The following MYO10 variants were observed in gnomAD, a reference collection of about 807,000 sequenced individuals.
MYO10 encodes the protein unconventional myosin-X.
A neutral mutation model predicts 257.3 loss-of-function variants in MYO10; 133 were observed. That is an observed-to-expected ratio of 0.52 (90% CI 0.45 to 0.60). MYO10 has a LOEUF of 0.60. MYO10 is among the 20% of genes least tolerant of loss of function. The pLI is 0.00. For missense variants in MYO10, 2,399 were observed against 2,635.7 expected, an observed-to-expected ratio of 0.91 and a Z score of 1.97; for synonymous variants, 1,104 against 1,028.6, an observed-to-expected ratio of 1.07 and a Z score of -1.40.
At chr5:16,758,287 T>C in intron 17 of MYO10, 61 bp from the exon 18 acceptor site, 1 of 1,145,080 alleles carries the variant, frequency 8.7e-7, no homozygotes, top group East Asian at 2.4e-5. Flanking sequence ...GGTGCAAGAT[T>C]ATTGTAATTA....
intron 1 of MYO10, among the ~76,000 whole-genome samples, chr5:16,909,581 C>T (rs1745606036): frequency 6.6e-6 from 1 of 151,540 alleles, no homozygotes; most frequent in South Asian, 2.1e-4. Context: ...CACAGAAAAA[C>T]CCTGCCCCCG....
In MYO10 at chr5:16,848,583, C is replaced by A. The variant is rs577411129; in HGVS notation, c.120+29026G>T. Among the ~76,000 whole-genome samples the A allele has an allele frequency of 5.9e-5, 9 of 152,240 alleles. No individual in the cohort carries two copies. In the South Asian group the frequency reaches 1.9e-3, roughly 32 times the overall value. ...ACCCCCCACCACCCACTTCTCCCAA[C>A]ATCACGTGGGGTTTGTGTTCCCTCC... On this transcript the variant is annotated intron_variant, in intron 2 of 40. Coordinates refer to ENST00000513610, the MANE Select transcript of MYO10 (RefSeq NM_012334.3).
intron 2 of MYO10, among the ~76,000 whole-genome samples, chr5:16,820,200 A>C (rs1186111753): frequency 6.6e-6 from 1 of 152,258 alleles, no homozygotes; most frequent in African/African-American, 2.4e-5. Flanking sequence ...AAGTTAAGAA[A>C]CAGAAACTTA....
chr5:16,673,474 T>C (rs950968303), intron 36 of MYO10, among the ~76,000 whole-genome samples: 1 of 152,192 alleles, frequency 6.6e-6, no homozygotes. Context: ...AGGTACTTTA[T>C]CTCTGTGTTT....
At chr5:16,858,200 G>A (rs34025335) in intron 2 of MYO10, among the ~76,000 whole-genome samples, 14 of 152,068 alleles carry the variant, frequency 9.2e-5, no homozygotes, top group Admixed American at 2.0e-4. Context: ...AATTTCACAT[G>A]ATTTTCACGT....
At chr5:16,799,684 G>T (rs1742064820) in intron 3 of MYO10, among the ~76,000 whole-genome samples, 1 of 152,044 alleles carries the variant, frequency 6.6e-6, no homozygotes, top group Admixed American at 6.6e-5. Flanking sequence ...CTAGAGACGG[G>T]ATTTCATATA....
chr5:16,741,674 TA>T, intron 19 of MYO10: 1 of 602,118 alleles, frequency 1.7e-6, no homozygotes, highest in Non-Finnish European at 2.1e-6. Flanking sequence ...AACCCACTTG[TA>T]AACACTTCCG....
At chr5:16,794,388 A>ATTT (rs1560988188) in intron 4 of MYO10, among the ~76,000 whole-genome samples, 4 of 149,456 alleles carry the variant, frequency 2.7e-5, no homozygotes, top group East Asian at 4.0e-4. Context: ...TGCTTTAAAA[A>ATTT]AAAAAAAAAA....
chr5:16,888,008 G>T (rs754163898), intron 1 of MYO10, among the ~76,000 whole-genome samples: 6 of 152,192 alleles, frequency 3.9e-5, no homozygotes, highest in Non-Finnish European at 8.8e-5. Flanking sequence ...CCATCTATTA[G>T]TTAACCATCA....
intron 3 of MYO10, among the ~76,000 whole-genome samples, chr5:16,795,974 G>T (rs1005759504): frequency 2.6e-5 from 4 of 151,970 alleles, no homozygotes; most frequent in African/African-American, 9.7e-5. Context: ...AGGATCTCAA[G>T]ATCAGGAGAC....
At chr5:16,931,136 T>C (rs901450869) in intron 1 of MYO10, among the ~76,000 whole-genome samples, 2 of 151,882 alleles carry the variant, frequency 1.3e-5, no homozygotes, top group African/African-American at 4.8e-5. Context: ...CTGGGTGTGG[T>C]GGTGCATGTT....
chr5:16,835,431 G>A (rs1743281917), intron 2 of MYO10, among the ~76,000 whole-genome samples: 1 of 150,538 alleles, frequency 6.6e-6, no homozygotes, highest in African/African-American at 2.4e-5. Flanking sequence ...TACTCGGGAA[G>A]CTGAGGCACA....
chr5:16,840,447 A>ATG (rs77134566), intron 2 of MYO10, among the ~76,000 whole-genome samples: 1,680 of 151,890 alleles, frequency 0.011, 13 homozygotes, highest in African/African-American at 0.014. Context: ...GAATGAATGA[A>ATG]AGAAAGAAAC....
intron 19 of MYO10, among the ~76,000 whole-genome samples, chr5:16,727,779 G>A (rs1231493751): frequency 6.6e-6 from 1 of 151,464 alleles, no homozygotes; most frequent in Non-Finnish European, 1.5e-5. Context: ...CTATGGGGAT[G>A]CTGAAACAGA....
At chr5:16,906,482 C>T (rs932168709) in intron 1 of MYO10, among the ~76,000 whole-genome samples, 2 of 152,146 alleles carry the variant, frequency 1.3e-5, no homozygotes, top group Admixed American at 6.5e-5. Context: ...GAGGCAAAAT[C>T]GCACTGTTGA....
In MYO10 at chr5:16,676,013, G is replaced by C; in HGVS notation, c.4666+18C>G. 6.3e-7 allele frequency: 1 copy of C among 1,599,918 alleles called. No homozygotes were observed. Among genetic ancestry groups the C allele is most frequent in the Non-Finnish European group, 8.5e-7 (1 of 1,174,934 alleles). ...GAATCATGGTCTCTGAGGAGTCGGGGTGGAGCTCTGGACTTACAGTTGAGA... is the reference window on the plus strand; with the variant it reads ...GAATCATGGTCTCTGAGGAGTCGGGCTGGAGCTCTGGACTTACAGTTGAGA... On this transcript the variant is annotated intron_variant, in intron 34 of 40. Transcript: ENST00000513610.
At position 16,769,286 on chromosome 5, in the gene MYO10, A is replaced by C; in HGVS notation, c.931-83T>G. The C allele has an allele frequency of 3.6e-6, 5 of 1,383,750 alleles. No homozygotes were observed. In the South Asian group the frequency reaches 6.3e-5, roughly 18 times the overall value. The allele number at this position is 1,383,750 out of a possible 1,614,324, so 85.7% of individuals were successfully genotyped here. A position where few individuals can be genotyped will look rare whatever the true frequency, so the allele number is the denominator to read the frequency against. ...AGAATATCCCTGATAATATAAAATTACTAGGTGTTATTGAAAAGGCAAAGA... is the reference window on the plus strand; with the variant it reads ...AGAATATCCCTGATAATATAAAATTCCTAGGTGTTATTGAAAAGGCAAAGA... On this transcript the variant is annotated intron_variant, in intron 9 of 40. Transcript: ENST00000513610.
intron 19 of MYO10, among the ~76,000 whole-genome samples, chr5:16,734,933 C>T (rs1461317789): frequency 1.3e-5 from 2 of 152,148 alleles, no homozygotes; most frequent in African/African-American, 4.8e-5. Context: ...GTTTTACAGA[C>T]TTGCTCACAG....
At position 16,725,586 on chromosome 5, in the gene MYO10, C is replaced by T. The variant is rs571230503; in HGVS notation, c.1930-14341G>A. Among the ~76,000 whole-genome samples, 63 of 152,234 alleles carry T rather than the reference C, an allele frequency of 4.1e-4. 1 individual carries two copies. The highest frequency in any genetic ancestry group is 3.4e-3 in the Middle Eastern group (1 of 294). Reference sequence around the variant, plus strand: ...TGATATACATTTTTAAAAAAGCAATCGTGTGGGAAATGCTCTCAGCTAATA... The same window carrying T: ...TGATATACATTTTTAAAAAAGCAATTGTGTGGGAAATGCTCTCAGCTAATA... On this transcript the variant is annotated intron_variant, in intron 19 of 40. Transcript: ENST00000513610.
Sources: allele counts gnomAD v4.1 joint callset (sites outside exome capture counted in the v4.1 genomes callset), GRCh38; gene constraint gnomAD v4.1.1; transcripts MANE v1.5; gene names NCBI Gene and HGNC (gene_info 2026-07-23, HGNC 2026-07-21).